Variants in ATAD1 observed in about 807,000 individuals in gnomAD.
The protein encoded by ATAD1 is outer mitochondrial transmembrane helix translocase.
ATAD1 carries 18 observed loss-of-function variants against 42.7 expected under a neutral mutation model. The observed-to-expected ratio is 0.42, with a 90% CI of 0.29 to 0.63. The LOEUF is 0.63. Among genes scored for constraint, ATAD1 ranks in the 20% least tolerant of loss-of-function variants. The pLI is 0.19. For synonymous variants in ATAD1, 132 were observed against 143.1 expected, an observed-to-expected ratio of 0.92 and a Z score of 0.55; for missense variants, 294 against 440.4, an observed-to-expected ratio of 0.67 and a Z score of 2.98.
intron 1 of ATAD1, among the ~76,000 whole-genome samples, chr10:87,827,943 G>A (rs890613084): frequency 3.3e-5 from 5 of 151,708 alleles, no homozygotes; most frequent in African/African-American, 1.2e-4. Flanking sequence ...AAGGAAAAGT[G>A]GTTTTTTTTG....
chr10:87,773,480 A>T lies in ATAD1; in HGVS notation c.691-2439T>A, dbSNP rs555495945. On this transcript the variant is annotated intron_variant, in intron 6 of 9. Coordinates refer to ENST00000680024, the MANE Select transcript of ATAD1 (RefSeq NM_001321967.2). ...TCTAGAGAAGAGCTAACTGGTTCAT[A>T]TGAAAGTAGAATATGTCTAAAACTA... Among the ~76,000 whole-genome samples, 6 of 152,362 alleles carry T rather than the reference A, an allele frequency of 3.9e-5. No individual in the cohort carries two copies. The South Asian group carries it at 1.2e-3, about 32-fold the overall frequency.
At chr10:87,799,795 A>T (rs11202560) in intron 2 of ATAD1, among the ~76,000 whole-genome samples, 2,886 of 77,286 alleles carry the variant, frequency 0.037, 82 homozygotes, top group African/African-American at 0.12. Context: ...TTTTTTTTTT[A>T]AAAAGTGTGT....
intron 2 of ATAD1, among the ~76,000 whole-genome samples, chr10:87,808,602 C>T (rs1328692920): frequency 1.3e-5 from 2 of 152,048 alleles, no homozygotes; most frequent in African/African-American, 2.4e-5. Context: ...CTTCTGTTCC[C>T]ATTTTATTAA....
At position 87,792,768 on chromosome 10, in the gene ATAD1, GAACA is replaced by G. The variant is rs760173843; in HGVS notation, c.163-17_163-14del. 20 of 1,591,952 alleles carry G rather than the reference GAACA, an allele frequency of 1.3e-5. No homozygotes were observed. The highest frequency in any genetic ancestry group is 4.0e-5 in the African/African-American group (3 of 74,420). ...TTAGTTTTTCTGCCTAGAATGAAAA[GAACA>G]AACAACCTGCTTTGATTTGATATTT... On this transcript the variant is annotated splice_polypyrimidine_tract_variant and intron_variant, in intron 2 of 9. Transcript: ENST00000680024.
intron 5 of ATAD1, among the ~76,000 whole-genome samples, chr10:87,783,901 A>G (rs1855693197): frequency 6.6e-6 from 1 of 151,926 alleles, no homozygotes; most frequent in South Asian, 2.1e-4. Flanking sequence ...AAAAATACTG[A>G]CTATAGCCAA....
At chr10:87,810,592 T>A (rs1210475601) in intron 2 of ATAD1, among the ~76,000 whole-genome samples, 1 of 152,214 alleles carries the variant, frequency 6.6e-6, no homozygotes, top group Non-Finnish European at 1.5e-5. Context: ...ATCATTTATG[T>A]AGCAAACATT....
chr10:87,823,416 G>A (rs1358562228), intron 1 of ATAD1, among the ~76,000 whole-genome samples: 8 of 152,046 alleles, frequency 5.3e-5, no homozygotes, highest in African/African-American at 1.9e-4. Context: ...TGAAAAATCA[G>A]GATTGAACAA....
chr10:87,787,621 A>C (rs967150779), intron 4 of ATAD1, among the ~76,000 whole-genome samples: 1 of 152,186 alleles, frequency 6.6e-6, no homozygotes, highest in South Asian at 2.1e-4. Flanking sequence ...AAAAAGGATA[A>C]GAACAAAAAA....
At chr10:87,806,471 G>GA (rs199675707) in intron 2 of ATAD1, among the ~76,000 whole-genome samples, 70 of 150,254 alleles carry the variant, frequency 4.7e-4, no homozygotes, top group Admixed American at 1.8e-3. Flanking sequence ...TCGTCTCCCA[G>GA]AAAAAAAAAT....
At chr10:87,761,578 C>T (rs1197017229) in intron 8 of ATAD1, among the ~76,000 whole-genome samples, 1 of 152,036 alleles carries the variant, frequency 6.6e-6, no homozygotes, top group East Asian at 1.9e-4. Context: ...GGGGGGATCA[C>T]TTGAGCCCAG....
chr10:87,781,537 C>T lies in ATAD1; in HGVS notation c.583+2933G>A, dbSNP rs918627279. Among the ~76,000 whole-genome samples the T allele has an allele frequency of 4.6e-5, 7 of 152,124 alleles. No individual in the cohort carries two copies. In the South Asian group the frequency reaches 6.2e-4, roughly 14 times the overall value. On this transcript the variant is annotated intron_variant, in intron 5 of 9. Transcript: ENST00000680024. ...CAATTGTAACATGCTATCCTAATTT[C>T]GAAGATGTTAAAATGTAAAAAACAA...
intron 2 of ATAD1, among the ~76,000 whole-genome samples, chr10:87,798,348 C>T (rs1163666604): frequency 6.6e-6 from 1 of 152,174 alleles, no homozygotes; most frequent in East Asian, 1.9e-4. Context: ...GGTTTTATGG[C>T]ACCACTACTT....
chr10:87,824,987 A>C (rs1049840328), intron 1 of ATAD1, among the ~76,000 whole-genome samples: 1 of 152,252 alleles, frequency 6.6e-6, no homozygotes, highest in African/African-American at 2.4e-5. Flanking sequence ...CTCAGTTCAG[A>C]GACCATCATT....
intron 2 of ATAD1, among the ~76,000 whole-genome samples, chr10:87,802,294 T>C (rs991222976): frequency 6.6e-6 from 1 of 152,198 alleles, no homozygotes; most frequent in African/African-American, 2.4e-5. Flanking sequence ...TCACACCTTA[T>C]CTACACAGTC....
At chr10:87,810,950 T>G (rs1857148032) in intron 2 of ATAD1, among the ~76,000 whole-genome samples, 1 of 152,220 alleles carries the variant, frequency 6.6e-6, no homozygotes, top group Non-Finnish European at 1.5e-5. Flanking sequence ...AGGTAAAGGC[T>G]GGCAATCAAG....
chr10:87,788,646 C>T (rs551626555), intron 4 of ATAD1, among the ~76,000 whole-genome samples: 1 of 152,158 alleles, frequency 6.6e-6, no homozygotes, highest in Middle Eastern at 3.2e-3. Context: ...AGAAATCACC[C>T]AATTACCTGG....
chr10:87,823,238 TA>T (rs1827063706), intron 1 of ATAD1, among the ~76,000 whole-genome samples: 1 of 152,154 alleles, frequency 6.6e-6, no homozygotes, highest in African/African-American at 2.4e-5. Flanking sequence ...GTTATCAGGG[TA>T]ATACTAATCC....
chr10:87,795,463 TTG>T (rs1856338530), intron 2 of ATAD1, among the ~76,000 whole-genome samples: 5 of 90,492 alleles, frequency 5.5e-5, no homozygotes, highest in African/African-American at 2.4e-4. Context: ...CATGGTTTGC[TTG>T]TTTTTTTTTT....
chr10:87,762,841 C>T (rs1223033476), intron 8 of ATAD1, among the ~76,000 whole-genome samples: 3 of 144,884 alleles, frequency 2.1e-5, no homozygotes, highest in Non-Finnish European at 3.0e-5. Context: ...GAGGCTGAGG[C>T]GGGCGGATCA....
Sources: allele counts gnomAD v4.1 joint callset (sites outside exome capture counted in the v4.1 genomes callset), GRCh38; gene constraint gnomAD v4.1.1; transcripts MANE v1.5; gene names NCBI Gene and HGNC (gene_info 2026-07-23, HGNC 2026-07-21).